DCDC1: variants seen among roughly 807,000 people sequenced by gnomAD.
DCDC1 encodes the protein doublecortin domain containing 1.
DCDC1 carries 200 observed loss-of-function variants against 178.3 expected under a neutral mutation model. The ratio of observed to expected loss-of-function variants is 1.12; its 90% CI spans 1.00 to 1.26. The LOEUF (loss-of-function observed/expected upper bound fraction) is 1.26, where lower values mean the gene tolerates loss of function less well. Ranked by LOEUF, DCDC1 falls within the 50% of genes most tolerant of loss-of-function variation. The pLI, the probability that DCDC1 is intolerant of heterozygous loss-of-function variation, is 0.00. For missense variants in DCDC1, 1,983 were observed against 1,749.2 expected (o/e 1.13, Z -2.38); for synonymous variants, 690 against 604.8 (o/e 1.14, Z -2.07).
chr11:30,892,614 T>C (rs977390354), intron 36 of DCDC1, among the ~76,000 whole-genome samples: 5 of 152,204 alleles, frequency 3.3e-5, no homozygotes, highest in African/African-American at 1.2e-4. Flanking sequence ...TTCACATCTA[T>C]GTCAGACAGC....
chr11:31,296,814 GAT>G (rs1205831041), intron 6 of DCDC1, among the ~76,000 whole-genome samples: 1 of 151,612 alleles, frequency 6.6e-6, no homozygotes, highest in Non-Finnish European at 1.5e-5. Context: ...AAAGCCATAA[GAT>G]CTGGTGAGAA....
chr11:31,279,902 A>G (rs1031728885), intron 7 of DCDC1, among the ~76,000 whole-genome samples: 7 of 152,068 alleles, frequency 4.6e-5, no homozygotes, highest in Non-Finnish European at 7.4e-5. Context: ...AAATAATAAT[A>G]ATAATAAAAG....
intron 20 of DCDC1, among the ~76,000 whole-genome samples, chr11:31,015,293 G>A (rs1952426544): frequency 1.3e-5 from 2 of 152,086 alleles, no homozygotes; most frequent in South Asian, 4.1e-4. Flanking sequence ...TAGGATTACA[G>A]AATTTCCTTA....
chr11:31,354,089 C>A (rs952744262), intron 1 of DCDC1, among the ~76,000 whole-genome samples: 2 of 152,136 alleles, frequency 1.3e-5, no homozygotes, highest in Admixed American at 6.5e-5. Flanking sequence ...AGATAGAGAC[C>A]ATCCCGGCCA....
chr11:31,173,847 A>G (rs1209957565), intron 9 of DCDC1, among the ~76,000 whole-genome samples: 1 of 151,980 alleles, frequency 6.6e-6, no homozygotes, highest in Admixed American at 6.6e-5. Context: ...ATCAAGTTAG[A>G]ATGTGCATAT....
chr11:30,997,460 G>A (rs537932295), intron 20 of DCDC1, among the ~76,000 whole-genome samples: 4 of 152,088 alleles, frequency 2.6e-5, no homozygotes, highest in South Asian at 2.1e-4. Flanking sequence ...GAAGAAAAGC[G>A]CTAATCTAGT....
chr11:31,242,627 A>T (rs1977300525), intron 8 of DCDC1, among the ~76,000 whole-genome samples: 1 of 151,932 alleles, frequency 6.6e-6, no homozygotes, highest in South Asian at 2.1e-4. Flanking sequence ...TCACCGGCAA[A>T]GAAAATAGGT....
intron 9 of DCDC1, among the ~76,000 whole-genome samples, chr11:31,164,677 AC>A (rs1287705129): frequency 6.6e-6 from 1 of 152,204 alleles, no homozygotes; most frequent in Non-Finnish European, 1.5e-5. Context: ...ACAGTCAAAA[AC>A]CTTTTTAAAA....
At chr11:31,350,241 C>G (rs1471109953) in intron 1 of DCDC1, among the ~76,000 whole-genome samples, 2 of 152,064 alleles carry the variant, frequency 1.3e-5, no homozygotes, top group Non-Finnish European at 2.9e-5. Flanking sequence ...AATGTTATAA[C>G]TGGTAGTGAA....
chr11:31,247,982 C>G (rs1415043255), intron 8 of DCDC1, among the ~76,000 whole-genome samples: 1 of 151,918 alleles, frequency 6.6e-6, no homozygotes, highest in Non-Finnish European at 1.5e-5. Context: ...TTAACTATAC[C>G]TAGTCAATTT....
rs537241447 is a variant in DCDC1, at chr11:30,934,606, AC to A, written c.2716-2655del. On this transcript the variant is annotated intron_variant, in intron 21 of 38. Coordinates refer to ENST00000684477, the MANE Select transcript of DCDC1 (RefSeq NM_001387274.1). ...AATGAAGGGATTGCTCTGGGATCCG[AC>A]CTCTGCAACGTGGGAAAGAGCAATC... Among the ~76,000 whole-genome samples the A allele has an allele frequency of 1.4e-4, 22 of 152,164 alleles. No homozygotes were observed. In the South Asian group the frequency reaches 4.1e-3, roughly 29 times the overall value.
rs575213039 is a variant in DCDC1 at position 31,034,283 on chromosome 11, T to C, written c.2591+30186A>G. 2.3e-4 allele frequency among the ~76,000 whole-genome samples: 28 copies of C among 124,312 alleles called. 1 individual carries two copies. In the South Asian group the frequency reaches 6.6e-3, roughly 29 times the overall value. The allele number at this position is 124,312 out of a possible 152,430, so 81.6% of individuals were successfully genotyped here. A position where few individuals can be genotyped will look rare whatever the true frequency, so the allele number is the denominator to read the frequency against. Reference sequence around the variant, plus strand: ...ATAAAAGAGTCAAAGTTAAAAAAATTTAAGTTCATAAAGTAAAAAAGTTAC... The same window carrying C: ...ATAAAAGAGTCAAAGTTAAAAAAATCTAAGTTCATAAAGTAAAAAAGTTAC... On this transcript the variant is annotated intron_variant, in intron 20 of 38. Coordinates refer to ENST00000684477, the MANE Select transcript of DCDC1 (RefSeq NM_001387274.1).
At chr11:31,189,611 T>C (rs1272005802) in intron 9 of DCDC1, among the ~76,000 whole-genome samples, 1 of 152,108 alleles carries the variant, frequency 6.6e-6, no homozygotes, top group Non-Finnish European at 1.5e-5. Context: ...GAGAACCTGT[T>C]TCCTTGCCTT....
At chr11:31,129,862 C>T (rs1049283609) in intron 10 of DCDC1, among the ~76,000 whole-genome samples, 4 of 152,104 alleles carry the variant, frequency 2.6e-5, no homozygotes, top group Non-Finnish European at 5.9e-5. Context: ...ATTCAAGATT[C>T]TAAGACCCTT....
In DCDC1 at chr11:31,137,685, TC is replaced by T; in HGVS notation, c.1314+6del. The T allele has an allele frequency of 1.4e-6, 1 of 702,340 alleles. No individual in the cohort carries two copies. The highest frequency in any genetic ancestry group is 2.7e-5 in the East Asian group (1 of 37,252). The allele number at this position is 702,340 out of a possible 1,614,324, so 43.5% of individuals were successfully genotyped here. On this transcript the variant is annotated splice_donor_region_variant and intron_variant, in intron 10 of 38. Coordinates refer to ENST00000684477, the MANE Select transcript of DCDC1 (RefSeq NM_001387274.1). Reference sequence around the variant, plus strand: ...TTAAAATACAGTTTACAAAGTAATTTCCTTACTTCTTCCTGTTCCTTATGGT... The same window carrying T: ...TTAAAATACAGTTTACAAAGTAATTTCTTACTTCTTCCTGTTCCTTATGGT...
intron 9 of DCDC1, among the ~76,000 whole-genome samples, chr11:31,236,267 CT>C (rs1976450993): frequency 6.6e-6 from 1 of 151,938 alleles, no homozygotes. Flanking sequence ...ACTTACTGTA[CT>C]TTTGAGAAAA....
intron 20 of DCDC1, among the ~76,000 whole-genome samples, chr11:31,061,129 A>G (rs1424978299): frequency 6.6e-6 from 1 of 152,114 alleles, no homozygotes; most frequent in Non-Finnish European, 1.5e-5. Flanking sequence ...AGATGTGCCC[A>G]AAGGCAAACT....
intron 20 of DCDC1, among the ~76,000 whole-genome samples, chr11:30,976,064 C>T (rs1426045714): frequency 1.3e-5 from 2 of 152,052 alleles, no homozygotes; most frequent in African/African-American, 4.8e-5. Flanking sequence ...CACATATTTA[C>T]AGCCAACAGA....
intron 36 of DCDC1, among the ~76,000 whole-genome samples, chr11:30,883,796 C>T (rs1942913738): frequency 6.6e-6 from 1 of 152,000 alleles, no homozygotes; most frequent in African/African-American, 2.4e-5. Context: ...AGACATATCA[C>T]ACACAAATAT....
Sources: allele counts gnomAD v4.1 joint callset (sites outside exome capture counted in the v4.1 genomes callset), GRCh38; gene constraint gnomAD v4.1.1; transcripts MANE v1.5; gene names NCBI Gene and HGNC (gene_info 2026-07-23, HGNC 2026-07-21).